CMSS1: variants seen among roughly 807,000 people sequenced by gnomAD.
CMSS1 encodes protein CMSS1.
A neutral mutation model predicts 43.5 loss-of-function variants in CMSS1; 33 were observed. That is an observed-to-expected ratio of 0.76 (90% confidence interval 0.57 to 1.01). The LOEUF is 1.01. CMSS1 is among the 50% of genes least tolerant of loss of function. The pLI, the probability that CMSS1 is intolerant of heterozygous loss-of-function variation, is 0.00. For synonymous variants in CMSS1, 115 were observed against 117.2 expected, an observed-to-expected ratio of 0.98 and a Z score of 0.12; for missense variants, 313 against 326.4, an observed-to-expected ratio of 0.96 and a Z score of 0.32.
intron 1 of CMSS1, among the ~76,000 whole-genome samples, chr3:99,866,970 C>T (rs572106656): frequency 5.3e-5 from 8 of 152,214 alleles, no homozygotes; most frequent in Middle Eastern, 6.8e-3. Flanking sequence ...ACTGTAAGTC[C>T]AGAGCATTTG....
intron 1 of CMSS1, among the ~76,000 whole-genome samples, chr3:99,994,762 A>T (rs748017110): frequency 6.6e-6 from 1 of 152,216 alleles, no homozygotes; most frequent in South Asian, 2.1e-4. Flanking sequence ...CACTTCTTAC[A>T]TGGGGGTGGC....
intron 1 of CMSS1, among the ~76,000 whole-genome samples, chr3:100,054,490 T>TTGTTATGTTA (rs10668094): frequency 0.045 from 6,642 of 146,140 alleles, 172 homozygotes; most frequent in Admixed American, 0.065. Flanking sequence ...ATGTTATGTT[T>TTGTTATGTTA]TGTTATGTTA....
intron 2 of CMSS1, among the ~76,000 whole-genome samples, chr3:100,150,736 A>G (rs1198651710): frequency 6.6e-6 from 1 of 152,208 alleles, no homozygotes; most frequent in Non-Finnish European, 1.5e-5. Flanking sequence ...TTTTTCCCCC[A>G]GTAATCACTT....
At chr3:100,052,433 T>G (rs2065390506) in intron 1 of CMSS1, among the ~76,000 whole-genome samples, 1 of 152,208 alleles carries the variant, frequency 6.6e-6, no homozygotes, top group Non-Finnish European at 1.5e-5. Context: ...TGTATCCGTG[T>G]GCATGTCCTA....
intron 1 of CMSS1, among the ~76,000 whole-genome samples, chr3:100,120,579 C>A (rs1279034846): frequency 6.6e-6 from 1 of 152,260 alleles, no homozygotes; most frequent in Admixed American, 6.5e-5. Context: ...CTAAGCGTGG[C>A]ACCTAGCACT....
At chr3:100,095,480 C>A (rs2066189084) in intron 1 of CMSS1, among the ~76,000 whole-genome samples, 1 of 151,916 alleles carries the variant, frequency 6.6e-6, no homozygotes, top group Non-Finnish European at 1.5e-5. Flanking sequence ...CTACAGTGAA[C>A]TTAATTTTGA....
chr3:99,896,461 T>C (rs549917085), intron 1 of CMSS1, among the ~76,000 whole-genome samples: 2 of 152,332 alleles, frequency 1.3e-5, no homozygotes, highest in African/African-American at 4.8e-5. Flanking sequence ...TTTGGTTTTT[T>C]TCATGAATGG....
At chr3:99,821,148 C>A (rs1008179361) in intron 1 of CMSS1, among the ~76,000 whole-genome samples, 2 of 152,328 alleles carry the variant, frequency 1.3e-5, no homozygotes, top group African/African-American at 4.8e-5. Context: ...ACAAAGTTTT[C>A]ATGGCTCTTT....
chr3:100,063,089 A>T (rs2065602307), intron 1 of CMSS1, among the ~76,000 whole-genome samples: 1 of 152,200 alleles, frequency 6.6e-6, no homozygotes, highest in South Asian at 2.1e-4. Flanking sequence ...GAACTATATT[A>T]TATGCCTCTT....
intron 1 of CMSS1, among the ~76,000 whole-genome samples, chr3:99,956,639 G>A (rs1316185141): frequency 3.9e-5 from 6 of 152,192 alleles, no homozygotes; most frequent in Non-Finnish European, 7.3e-5. Flanking sequence ...GAGCCCCCGC[G>A]CCCAGCCACC....
rs1707654712 is a variant in CMSS1, at chr3:99,936,040, A to G, written c.64+117997A>G. ...TCTTTATTAATGTTGTATATTAAAA[A>G]TTACTCTACATAGTTAGGTGCTACT... On this transcript the variant is annotated intron_variant, in intron 1 of 9. Coordinates refer to ENST00000421999, the MANE Select transcript of CMSS1 (RefSeq NM_032359.4). 2.0e-5 allele frequency among the ~76,000 whole-genome samples: 3 copies of G among 152,180 alleles called. No homozygotes were observed. The South Asian group carries it at 6.2e-4, about 32-fold the overall frequency.
chr3:99,896,330 G>A (rs527667141), intron 1 of CMSS1, among the ~76,000 whole-genome samples: 9 of 152,300 alleles, frequency 5.9e-5, no homozygotes, highest in Middle Eastern at 3.4e-3. Context: ...TTGCCCTAAT[G>A]TTAGCCACAT....
chr3:100,016,716 A>G (rs1039990233), intron 1 of CMSS1, among the ~76,000 whole-genome samples: 1 of 152,216 alleles, frequency 6.6e-6, no homozygotes, highest in Admixed American at 6.5e-5. Flanking sequence ...AATCCTTTTT[A>G]TCCTTTCACT....
At chr3:99,818,111 T>C in intron 1 of CMSS1, 68 bp downstream of exon 1, 1 of 1,492,334 alleles carries the variant, frequency 6.7e-7, no homozygotes, top group Non-Finnish European at 9.2e-7. Flanking sequence ...TCAGCCCTGG[T>C]CGCTTCTGGC....
intron 1 of CMSS1, among the ~76,000 whole-genome samples, chr3:100,067,975 C>A (rs2065694493): frequency 6.6e-6 from 1 of 152,094 alleles, no homozygotes; most frequent in Admixed American, 6.5e-5. Flanking sequence ...CCCAAAGACC[C>A]AAGGCACCTC....
intron 1 of CMSS1, among the ~76,000 whole-genome samples, chr3:100,017,606 T>C (rs1303840692): frequency 6.6e-6 from 1 of 152,136 alleles, no homozygotes; most frequent in Non-Finnish European, 1.5e-5. Context: ...TTAATGAAAT[T>C]TGAGAGTCCT....
intron 1 of CMSS1, among the ~76,000 whole-genome samples, chr3:100,060,312 C>T (rs1470166901): frequency 1.3e-5 from 2 of 152,114 alleles, no homozygotes; most frequent in Non-Finnish European, 2.9e-5. Context: ...TGCCTTAGTA[C>T]TTTAACTGTT....
At chr3:99,959,001 C>G (rs1344823044) in intron 1 of CMSS1, among the ~76,000 whole-genome samples, 2 of 152,036 alleles carry the variant, frequency 1.3e-5, no homozygotes, top group African/African-American at 2.4e-5. Flanking sequence ...GCCTTGGTAA[C>G]TATTTGTTCC....
intron 1 of CMSS1, among the ~76,000 whole-genome samples, chr3:100,078,568 A>G (rs2065884810): frequency 6.6e-6 from 1 of 152,074 alleles, no homozygotes; most frequent in East Asian, 1.9e-4. Context: ...AAATACACCA[A>G]CACTAGCGAT....
Sources: allele counts gnomAD v4.1 joint callset (sites outside exome capture counted in the v4.1 genomes callset), GRCh38; gene constraint gnomAD v4.1.1; transcripts MANE v1.5; gene names NCBI Gene and HGNC (gene_info 2026-07-23, HGNC 2026-07-21).